Variants in CCDC88A observed in about 807,000 individuals in gnomAD.
CCDC88A encodes girdin.
CCDC88A carries 54 observed loss-of-function variants against 234.3 expected under a neutral mutation model. The ratio of observed to expected loss-of-function variants is 0.23; its 90% confidence interval spans 0.19 to 0.29. The LOEUF (loss-of-function observed/expected upper bound fraction) is 0.29, where lower values mean the gene tolerates loss of function less well. CCDC88A is among the 10% of genes least tolerant of loss of function. The probability of loss-of-function intolerance (pLI) is 1.00; values close to 1 mark genes in which losing one functional copy is unlikely to be tolerated. For synonymous variants in CCDC88A, 753 were observed against 737.8 expected (o/e 1.02, Z -0.33); for missense variants, 1,832 against 2,123.4 (o/e 0.86, Z 2.70).
intron 16 of CCDC88A, among the ~76,000 whole-genome samples, chr2:55,331,485 A>G (rs1261335507): frequency 6.6e-6 from 1 of 152,196 alleles, no homozygotes; most frequent in African/African-American, 2.4e-5. Context: ...CCCAATATAC[A>G]TTTAATACAG....
In CCDC88A at chr2:55,378,738, CTTT is replaced by C. The variant is rs79242911; in HGVS notation, c.274-3858_274-3856del. Among the ~76,000 whole-genome samples, 1,250 of 142,220 alleles carry C rather than the reference CTTT, an allele frequency of 8.8e-3. 8 individuals are homozygous for C. The highest frequency in any genetic ancestry group is 0.032 in the African/African-American group (1,173 of 36,612). 93.3% of individuals were successfully genotyped at this position (142,220 alleles called of 152,430 possible). Reference sequence around the variant, plus strand: ...TCAGAGGATTTTTTATACACATATACTTTTTTTTTTTTTTTTTTTTTTTTTGAG... The same window carrying C: ...TCAGAGGATTTTTTATACACATATACTTTTTTTTTTTTTTTTTTTTTTGAG... On this transcript the variant is annotated intron_variant, in intron 3 of 32. Transcript: ENST00000436346.
In CCDC88A at chr2:55,399,233, TAA is replaced by T. The variant is rs549312947; in HGVS notation, c.165-10349_165-10348del. Among the ~76,000 whole-genome samples, 240 of 152,134 alleles carry T rather than the reference TAA, an allele frequency of 1.6e-3. 1 individual carries two copies. The Middle Eastern group carries it at 0.02, about 13-fold the overall frequency. On this transcript the variant is annotated intron_variant, in intron 2 of 32. Coordinates refer to ENST00000436346, the MANE Select transcript of CCDC88A (RefSeq NM_001365480.1). The stretch of plus-strand genomic sequence containing the variant: ...GCTAAATAACAGAAGAAATTGCTTT[TAA>T]AAAAGTTTAAAAAGCTGTCACTCTG...
In CCDC88A at chr2:55,322,646, CT is replaced by C; in HGVS notation, c.3043del (p.Arg1015GlyfsTer28). ...TATTGGAGGAGAGCTCTGTACCATC[CT>C]TTCCTCATCTTGTCTCTGTTTGAGA... Reference protein sequence around the residue: ...EALKQRQDEERMVQSSPPISG... With the variant: ...EALKQRQDEEXMVQSSPPISG... On this transcript the variant is annotated frameshift_variant, in exon 18 of 33. Coordinates refer to ENST00000436346, the MANE Select transcript of CCDC88A (RefSeq NM_001365480.1). LOFTEE classifies it high-confidence loss of function. 6.3e-7 allele frequency: 1 copy of C among 1,582,610 alleles called. No individual in the cohort carries two copies. Among genetic ancestry groups the C allele is most frequent in the Non-Finnish European group, 8.6e-7 (1 of 1,165,518 alleles).
At chr2:55,388,323 T>C (rs1676043916) in intron 3 of CCDC88A, among the ~76,000 whole-genome samples, 1 of 152,182 alleles carries the variant, frequency 6.6e-6, no homozygotes, top group Non-Finnish European at 1.5e-5. Flanking sequence ...GAAATAATCA[T>C]CTTTTAAAAT....
At chr2:55,331,032 T>C (rs1025980703) in intron 16 of CCDC88A, among the ~76,000 whole-genome samples, 1 of 152,212 alleles carries the variant, frequency 6.6e-6, no homozygotes, top group African/African-American at 2.4e-5. Flanking sequence ...GCTAACTGTA[T>C]GAATTAAGGT....
chr2:55,306,844 G>A (rs1681636390), intron 25 of CCDC88A, among the ~76,000 whole-genome samples: 1 of 152,158 alleles, frequency 6.6e-6, no homozygotes, highest in South Asian at 2.1e-4. Context: ...CCAAAGTGCT[G>A]GGATTACAGG....
intron 3 of CCDC88A, among the ~76,000 whole-genome samples, chr2:55,381,029 A>G (rs1271889620): frequency 6.6e-6 from 1 of 152,214 alleles, no homozygotes; most frequent in Admixed American, 6.5e-5. Context: ...TGGTCACATA[A>G]GATTATAAAA....
At chr2:55,315,641 T>A (rs927164664) in intron 22 of CCDC88A, 1 of 208,034 alleles carries the variant, frequency 4.8e-6, no homozygotes, top group African/African-American at 2.3e-5. Context: ...TTTCTATTGG[T>A]TTATAATTTC....
chr2:55,405,420 T>TTAA (rs1249181338), intron 2 of CCDC88A: 1 of 152,064 alleles, frequency 6.6e-6, no homozygotes, highest in Admixed American at 6.6e-5. Flanking sequence ...CCCATACAGA[T>TTAA]TAATGAAAGA....
At chr2:55,416,980 A>G (rs571792749) in intron 2 of CCDC88A, 59 of 152,150 alleles carry the variant, frequency 3.9e-4, no homozygotes, top group African/African-American at 1.4e-3. Flanking sequence ...AAAAAAATCT[A>G]AAGAAACTGA....
chr2:55,311,094 A>C (rs1281872937), intron 23 of CCDC88A, among the ~76,000 whole-genome samples: 1 of 152,208 alleles, frequency 6.6e-6, no homozygotes, highest in Non-Finnish European at 1.5e-5. Context: ...CAGAATAGTA[A>C]GACAACAAAG....
At chr2:55,407,384 C>T (rs1225491679) in intron 2 of CCDC88A, among the ~76,000 whole-genome samples, 1 of 151,782 alleles carries the variant, frequency 6.6e-6, no homozygotes, top group Non-Finnish European at 1.5e-5. Flanking sequence ...GCAGGTGCAT[C>T]ATTTGATGTC....
intron 2 of CCDC88A, among the ~76,000 whole-genome samples, chr2:55,406,370 T>C (rs921835833): frequency 2.6e-5 from 4 of 152,206 alleles, no homozygotes; most frequent in African/African-American, 9.7e-5. Flanking sequence ...TAAACCAGTC[T>C]TGGTAAAAAT....
chr2:55,336,866 G>A (rs771042363), intron 13 of CCDC88A, 48 bp from the exon 14 acceptor site: 51 of 1,193,770 alleles, frequency 4.3e-5, no homozygotes, highest in Non-Finnish European at 5.8e-5. Context: ...TTCTGTAACA[G>A]TGAAAACATG....
intron 2 of CCDC88A, among the ~76,000 whole-genome samples, chr2:55,394,901 A>G (rs1469603721): frequency 2.0e-5 from 3 of 151,798 alleles, no homozygotes; most frequent in Non-Finnish European, 4.4e-5. Flanking sequence ...GCTGGAGTGC[A>G]ATGGCACAAC....
Position 55,317,639 on chromosome 2 carries a change from G to A in CCDC88A, c.3527C>T (p.Ser1176Phe), listed in dbSNP as rs375580003. 4.3e-6 allele frequency: 7 copies of A among 1,612,176 alleles called. No homozygotes were observed. Among genetic ancestry groups the A allele is most frequent in the African/African-American group, 1.3e-5 (1 of 74,978 alleles). ...LHERQASEYE[S>F]LISKHGTLKS... ...CAGAGTTCCATGTTTAGAGATAAGA[G>A]ATTCATACTCTGAAGCCTGACGTTC... is the stretch of plus-strand genomic sequence containing the variant. The change falls in exon 20 of 33, where the codon TCT becomes TTT. Residue 1176 changes from serine (S) to phenylalanine (F), a missense_variant. Physicochemically the swap from Ser to Phe is radical, Grantham distance 155. This residue lies in a region of CCDC88A where 1,282 missense variants were observed against 1,543.6 expected (regional missense o/e 0.83). Coordinates refer to ENST00000436346, the MANE Select transcript of CCDC88A (RefSeq NM_001365480.1). This position sits in a 1 kb window ranked among gnomAD's most constrained non-coding sequence, Gnocchi z 4.2.
rs775555881 is a variant in CCDC88A, at chr2:55,312,547, T to C, written c.3966A>G (p.Glu1322=). The C allele has an allele frequency of 6.2e-7, 1 of 1,610,434 alleles. No individual in the cohort carries two copies. Among genetic ancestry groups the C allele is most frequent in the Non-Finnish European group, 8.5e-7 (1 of 1,178,356 alleles). Residue 1322 remains glutamate, a synonymous_variant, in exon 23 of 33, where the codon GAA becomes GAG. Transcript: ENST00000436346. Reference sequence around the variant, plus strand: ...TTTGATCTAGTAGATGCCGATTTTCTTCTTCTAAATTTCCTTTAAGTTGGC... The same window carrying C: ...TTTGATCTAGTAGATGCCGATTTTCCTCTTCTAAATTTCCTTTAAGTTGGC... ...LLSQLKGNLE[E]ENRHLLDQIQ...
chr2:55,305,823 T>C (rs1681480920), intron 25 of CCDC88A, among the ~76,000 whole-genome samples: 1 of 151,984 alleles, frequency 6.6e-6, no homozygotes, highest in Admixed American at 6.6e-5. Context: ...ATTACACCAC[T>C]GCGCTCCAGC....
chr2:55,373,828 TTTTG>T (rs1251205557), intron 4 of CCDC88A, among the ~76,000 whole-genome samples: 1 of 152,154 alleles, frequency 6.6e-6, no homozygotes, highest in African/African-American at 2.4e-5. Context: ...TTTATTTTGG[TTTTG>T]TTTGTTTTGA....
Sources: allele counts gnomAD v4.1 joint callset (sites outside exome capture counted in the v4.1 genomes callset), GRCh38; gene constraint gnomAD v4.1.1; regional missense constraint gnomAD v4.1.1; non-coding constraint Gnocchi (gnomAD v3.1); transcripts MANE v1.5; gene names NCBI Gene and HGNC (gene_info 2026-07-23, HGNC 2026-07-21).